ADAMTS17: variants seen among roughly 807,000 people sequenced by gnomAD.
ADAMTS17 encodes the protein A disintegrin and metalloproteinase with thrombospondin motifs 17.
A neutral mutation model predicts 141.5 loss-of-function variants in ADAMTS17; 113 were observed. The observed-to-expected ratio is 0.80, with a 90% CI of 0.69 to 0.93. The LOEUF is 0.93. Among genes scored for constraint, ADAMTS17 ranks in the 40% least tolerant of loss-of-function variants. The pLI is 0.00. For synonymous variants in ADAMTS17, 768 were observed against 630.6 expected (o/e 1.22, Z -3.27); for missense variants, 1,659 against 1,517.9 (o/e 1.09, Z -1.54).
intron 20 of ADAMTS17, among the ~76,000 whole-genome samples, chr15:99,977,400 AAT>A (rs1491435921): frequency 4.2e-4 from 2 of 4,756 alleles, no homozygotes; most frequent in African/African-American, 1.2e-3. Context: ...ATATATATAT[AAT>A]TTTTTTTTTT....
At chr15:100,283,875 G>A (rs1567484780) in intron 3 of ADAMTS17, among the ~76,000 whole-genome samples, 1 of 152,162 alleles carries the variant, frequency 6.6e-6, no homozygotes, top group Non-Finnish European at 1.5e-5. Context: ...GAAGGCCAAG[G>A]AGGGCAGATC....
intron 12 of ADAMTS17, among the ~76,000 whole-genome samples, chr15:100,126,833 C>A (rs1295635201): frequency 6.6e-6 from 1 of 152,196 alleles, no homozygotes; most frequent in African/African-American, 2.4e-5. Context: ...TGTGGCCTGT[C>A]CCGGGCCTGC....
rs111252458 is a variant in ADAMTS17, at chr15:100,090,849, A to G, written c.2137+5507T>C. The stretch of plus-strand genomic sequence containing the variant: ...GGTGAAACCCCATCTCTACTAAATA[A>G]TACAAAAAATTAGCCAGGTTTGGTG... On this transcript the variant is annotated intron_variant, in intron 15 of 21. Transcript: ENST00000268070. 1.9e-3 allele frequency among the ~76,000 whole-genome samples: 243 copies of G among 130,010 alleles called. 1 individual carries two copies. The highest frequency in any genetic ancestry group is 5.5e-3 in the African/African-American group (225 of 40,776). 85.3% of individuals were successfully genotyped at this position (130,010 alleles called of 152,430 possible). A position where few individuals can be genotyped will look rare whatever the true frequency, so the allele number is the denominator to read the frequency against.
intron 8 of ADAMTS17, among the ~76,000 whole-genome samples, chr15:100,170,492 T>C (rs2141466970): frequency 6.6e-6 from 1 of 152,316 alleles, no homozygotes; most frequent in African/African-American, 2.4e-5. Flanking sequence ...TACCTTTGCA[T>C]AATCCAGCCA....
At chr15:100,096,067 A>C (rs1477353974) in intron 15 of ADAMTS17, among the ~76,000 whole-genome samples, 1 of 152,244 alleles carries the variant, frequency 6.6e-6, no homozygotes, top group East Asian at 1.9e-4. Flanking sequence ...GCGAGATGCC[A>C]GGAAGTGCTG....
At chr15:100,164,731 T>C (rs1343064992) in intron 8 of ADAMTS17, among the ~76,000 whole-genome samples, 1 of 152,198 alleles carries the variant, frequency 6.6e-6, no homozygotes, top group Non-Finnish European at 1.5e-5. Context: ...TCAACGCCTT[T>C]ATTCCCGTTC....
At chr15:100,134,212 A>C (rs1314264416) in intron 10 of ADAMTS17, among the ~76,000 whole-genome samples, 2 of 152,188 alleles carry the variant, frequency 1.3e-5, no homozygotes, top group African/African-American at 4.8e-5. Flanking sequence ...CGCCTCTCAG[A>C]GGGTCCTGGG....
At chr15:100,325,173 A>G (rs1290262082) in intron 3 of ADAMTS17, among the ~76,000 whole-genome samples, 2 of 152,072 alleles carry the variant, frequency 1.3e-5, no homozygotes, top group Non-Finnish European at 2.9e-5. Flanking sequence ...CAATTATCCT[A>G]CAACAGACAT....
intron 3 of ADAMTS17, among the ~76,000 whole-genome samples, chr15:100,293,378 T>C (rs778072966): frequency 3.9e-5 from 6 of 152,214 alleles, no homozygotes; most frequent in Non-Finnish European, 7.3e-5. Flanking sequence ...GGCAGCCCAC[T>C]TTAAGTACAA....
chr15:100,301,097 CT>C (rs2045016022), intron 3 of ADAMTS17, among the ~76,000 whole-genome samples: 1 of 152,150 alleles, frequency 6.6e-6, no homozygotes, highest in Non-Finnish European at 1.5e-5. Context: ...GAATACTAGA[CT>C]TTTGGAGCAC....
In ADAMTS17 at chr15:100,048,873, G is replaced by C; in HGVS notation, c.2575C>G (p.His859Asp). 1 of 1,614,190 alleles carries C rather than the reference G, an allele frequency of 6.2e-7. No individual in the cohort carries two copies. The highest frequency in any genetic ancestry group is 8.5e-7 in the Non-Finnish European group (1 of 1,180,036). The change falls in exon 18 of 22, where the codon CAC becomes GAC. Residue 859 changes from histidine (H) to aspartate (D), a missense_variant. Physicochemically the swap from His to Asp is moderately conservative, Grantham distance 81 (BLOSUM62 -1). Coordinates refer to ENST00000268070, the MANE Select transcript of ADAMTS17 (RefSeq NM_139057.4). ...GCTTCTTACCGTGACTGGCAGGGGTGCAAGTTGCACCTTCGGACCTGGGGC... is the reference window on the plus strand; with the variant it reads ...GCTTCTTACCGTGACTGGCAGGGGTCCAAGTTGCACCTTCGGACCTGGGGC... ...PEPQVRRCNL[H>D]PCQSRWVAGP... is the part of the protein sequence containing the mutation.
At chr15:100,214,084 C>G (rs772388231) in intron 7 of ADAMTS17, among the ~76,000 whole-genome samples, 3 of 152,098 alleles carry the variant, frequency 2.0e-5, no homozygotes, top group African/African-American at 7.2e-5. Flanking sequence ...GCCAAAAAAG[C>G]CTGGATAGAG....
chr15:100,248,086 A>C (rs1327205414), intron 7 of ADAMTS17, among the ~76,000 whole-genome samples: 1 of 152,128 alleles, frequency 6.6e-6, no homozygotes, highest in Non-Finnish European at 1.5e-5. Flanking sequence ...CCCAGCGCAC[A>C]GACCAGACTC....
chr15:100,211,344 C>T (rs115964194), intron 7 of ADAMTS17, among the ~76,000 whole-genome samples: 134 of 144,044 alleles, frequency 9.3e-4, no homozygotes, highest in African/African-American at 3.3e-3. Context: ...ACATAAAATG[C>T]AAATTGCCTG....
intron 9 of ADAMTS17, 63 bp from the exon 10 acceptor site, chr15:100,152,825 T>C: frequency 1.4e-6 from 2 of 1,477,018 alleles, no homozygotes; most frequent in Admixed American, 2.2e-5. Context: ...TGTTTTCTTT[T>C]TCTTTTTTTT....
At chr15:100,020,560 G>A (rs1271922326) in intron 18 of ADAMTS17, among the ~76,000 whole-genome samples, 1 of 152,196 alleles carries the variant, frequency 6.6e-6, no homozygotes, top group Non-Finnish European at 1.5e-5. Context: ...TCAGGAGCCA[G>A]CCAGGCCCCT....
chr15:100,199,820 G>C (rs2041254336), intron 7 of ADAMTS17, among the ~76,000 whole-genome samples: 1 of 152,182 alleles, frequency 6.6e-6, no homozygotes, highest in South Asian at 2.1e-4. Context: ...GCTGGGACCA[G>C]GTGAGCCAGC....
chr15:100,066,416 T>C (rs1340975592), intron 15 of ADAMTS17, among the ~76,000 whole-genome samples: 1 of 152,116 alleles, frequency 6.6e-6, no homozygotes, highest in Non-Finnish European at 1.5e-5. Flanking sequence ...ACATGTGGTG[T>C]TTGCTTAGTT....
chr15:100,325,699 C>T (rs2045879033), intron 3 of ADAMTS17, among the ~76,000 whole-genome samples: 1 of 152,304 alleles, frequency 6.6e-6, no homozygotes. Context: ...CCTTCTCTCC[C>T]CATGTGACAC....
Sources: allele counts gnomAD v4.1 joint callset (sites outside exome capture counted in the v4.1 genomes callset), GRCh38; gene constraint gnomAD v4.1.1; transcripts MANE v1.5; gene names NCBI Gene and HGNC (gene_info 2026-07-23, HGNC 2026-07-21).